The following RCBTB2 variants were observed in gnomAD, a reference collection of about 807,000 sequenced individuals.
RCBTB2 encodes RCC1 and BTB domain containing protein 2.
A neutral mutation model predicts 65.4 loss-of-function variants in RCBTB2; 55 were observed. The observed-to-expected ratio is 0.84, with a 90% CI of 0.68 to 1.05. RCBTB2 has a LOEUF of 1.05. RCBTB2 is among the 50% of genes least tolerant of loss of function. RCBTB2 has a pLI of 0.00. For synonymous variants in RCBTB2, 220 were observed against 255.2 expected (o/e 0.86, Z 1.31); for missense variants, 599 against 680.1 (o/e 0.88, Z 1.33).
intron 1 of RCBTB2, among the ~76,000 whole-genome samples, chr13:48,530,210 T>A (rs1952034596): frequency 6.6e-6 from 1 of 152,224 alleles, no homozygotes; most frequent in Non-Finnish European, 1.5e-5. Flanking sequence ...TGATTTGTAG[T>A]AATTTAAATC....
intron 14 of RCBTB2, among the ~76,000 whole-genome samples, chr13:48,493,313 A>ACCCTCTCT (rs1213235186): frequency 8.3e-5 from 5 of 60,054 alleles, no homozygotes; most frequent in East Asian, 5.9e-4. Context: ...ACACACACAC[A>ACCCTCTCT]CACTCTCTCT....
At chr13:48,491,975 T>C (rs1949718573) in intron 14 of RCBTB2, among the ~76,000 whole-genome samples, 1 of 152,194 alleles carries the variant, frequency 6.6e-6, no homozygotes, top group Admixed American at 6.5e-5. Flanking sequence ...TTGTAGTCTA[T>C]TTTGAATGCT....
At chr13:48,521,455 A>G (rs1362987276) in intron 4 of RCBTB2, among the ~76,000 whole-genome samples, 4 of 152,254 alleles carry the variant, frequency 2.6e-5, no homozygotes, top group Non-Finnish European at 5.9e-5. Flanking sequence ...CTGAGTAGAC[A>G]TAAGTTGGTT....
Position 48,527,307 on chromosome 13 carries a change from A to C in RCBTB2, c.-218-2550T>G, listed in dbSNP as rs191992451. On this transcript the variant is annotated intron_variant, in intron 1 of 14. Coordinates refer to ENST00000344532, the MANE Select transcript of RCBTB2 (RefSeq NM_001268.4). ...TTCCCTTATATGTTTGTTTTGGGATATATGACTTGGCTCATATATATATAT... is the reference window on the plus strand; with the variant it reads ...TTCCCTTATATGTTTGTTTTGGGATCTATGACTTGGCTCATATATATATAT... Among the ~76,000 whole-genome samples, 450 of 93,110 alleles carry C rather than the reference A, an allele frequency of 4.8e-3. 5 individuals carry two copies. The highest frequency in any genetic ancestry group is 0.019 in the African/African-American group (424 of 22,574). 61.1% of individuals were successfully genotyped at this position (93,110 alleles called of 152,430 possible).
chr13:48,532,732 C>CGGT (rs1030500773), intron 1 of RCBTB2: 2 of 297,790 alleles, frequency 6.7e-6, no homozygotes, highest in African/African-American at 4.7e-5. Context: ...AGCAGCGCAC[C>CGGT]GGGCCCACGC....
chr13:48,532,024 A>G (rs1245598049), intron 1 of RCBTB2: 1 of 152,230 alleles, frequency 6.6e-6, no homozygotes, highest in Admixed American at 6.5e-5. Flanking sequence ...TTGTGAACTC[A>G]ACCACTTTTA....
At position 48,499,664 on chromosome 13, in the gene RCBTB2, G is replaced by A. The variant is rs1950144492; in HGVS notation, c.1341C>T (p.Tyr447=). 6.2e-7 allele frequency: 1 copy of A among 1,614,036 alleles called. No individual in the cohort carries two copies. The highest frequency in any genetic ancestry group is 8.5e-7 in the Non-Finnish European group (1 of 1,180,026). ...AAAGGCTGATGCTGTCTGTGTATAG[G>A]TATTCCAGGAAGGCCCGGTAAACAG... ...SYPVYRAFLE[Y]LYTDSISLSP... is the part of the protein sequence containing the mutation. The change falls in exon 13 of 15, where the codon TAC becomes TAT. Residue 447 remains tyrosine (Y), a synonymous_variant. Transcript: ENST00000344532.
intron 6 of RCBTB2, 131 bp downstream of exon 6, chr13:48,515,074 C>T (rs1271980438): frequency 4.9e-6 from 4 of 814,474 alleles, no homozygotes; most frequent in Non-Finnish European, 7.9e-6. Flanking sequence ...CATTCAGATA[C>T]ATTCATGTTT....
Position 48,533,072 on chromosome 13 carries a change from G to A in RCBTB2, c.-263C>T. The A allele has an allele frequency of 2.2e-6, 1 of 454,368 alleles. No homozygotes were observed. Among genetic ancestry groups the A allele is most frequent in the South Asian group, 1.5e-5 (1 of 64,526 alleles). 28.1% of individuals were successfully genotyped at this position (454,368 alleles called of 1,614,324 possible). A position where few individuals can be genotyped will look rare whatever the true frequency, so the allele number is the denominator to read the frequency against. ...TTGTCCGCTCCGCCTCCTGGGTAGC[G>A]GTTACTGCACGGTCAGGGGCCCGGC... On this transcript the variant is annotated 5_prime_UTR_variant, in exon 1 of 15. Transcript: ENST00000344532.
chr13:48,520,612 G>A (rs1593769093), intron 4 of RCBTB2, among the ~76,000 whole-genome samples: 1 of 152,162 alleles, frequency 6.6e-6, no homozygotes, highest in South Asian at 2.1e-4. Context: ...TTAGCTCAAG[G>A]AAAACATAAT....
intron 10 of RCBTB2, among the ~76,000 whole-genome samples, chr13:48,506,747 A>G (rs148554011): frequency 2.0e-5 from 3 of 152,368 alleles, no homozygotes; most frequent in South Asian, 2.1e-4. Context: ...GGGCAGCCCA[A>G]TGAACAATGT....
At chr13:48,490,692 T>C (rs1448457142) in intron 14 of RCBTB2, among the ~76,000 whole-genome samples, 1 of 152,210 alleles carries the variant, frequency 6.6e-6, no homozygotes, top group African/African-American at 2.4e-5. Context: ...AGGTAAGCCA[T>C]AAAAAGCAGT....
At chr13:48,522,075 T>C in intron 3 of RCBTB2, 113 bp from the exon 4 acceptor site, 1 of 943,078 alleles carries the variant, frequency 1.1e-6, no homozygotes, top group Non-Finnish European at 1.6e-6. Context: ...TCAAATGTTG[T>C]GAAAGGAAGA....
In RCBTB2 at chr13:48,515,209, T is replaced by A. The variant is rs9331990; in HGVS notation, c.345A>T (p.Thr115=). 1.4e-4 allele frequency: 218 copies of A among 1,611,638 alleles called. No homozygotes were observed. In the African/African-American group the frequency reaches 2.7e-3, roughly 20 times the overall value. ...YGSGPHIVLA[T]TEGEVFTWGH... is the part of the protein sequence containing the mutation. ...TACATGGGGTTCCTAGGTTACCTGT[T>A]GTTGCAAGGACAATATGTGGACCAC... The change falls in exon 6 of 15, where the codon ACA becomes ACT. Residue 115 remains threonine (T), a synonymous_variant. Coordinates refer to ENST00000344532, the MANE Select transcript of RCBTB2 (RefSeq NM_001268.4).
intron 13 of RCBTB2, 30 bp from the exon 14 acceptor site, chr13:48,496,351 G>A: frequency 6.6e-7 from 1 of 1,505,482 alleles, no homozygotes; most frequent in Non-Finnish European, 8.9e-7. Context: ...ATTAGGGGGA[G>A]TGATTTCAAG....
chr13:48,505,187 G>T (rs1224225799), intron 10 of RCBTB2, among the ~76,000 whole-genome samples: 1 of 151,994 alleles, frequency 6.6e-6, no homozygotes. Context: ...TAGGAGCCTT[G>T]GTTTCATCAC....
In RCBTB2 at chr13:48,489,018, A is replaced by T. The variant is rs1270482676; in HGVS notation, c.*1093T>A. 1.3e-5 allele frequency: 2 copies of T among 152,230 alleles called. No homozygotes were observed. Among genetic ancestry groups the T allele is most frequent in the South Asian group, 2.1e-4 (1 of 4,836 alleles). 9.4% of individuals were successfully genotyped at this position (152,230 alleles called of 1,614,324 possible). A position where few individuals can be genotyped will look rare whatever the true frequency, so the allele number is the denominator to read the frequency against. Reference sequence around the variant, plus strand: ...CCAAATAGTTCAGCATCAGAACAAGAATTCTAATTCCAAAAGGGTTTCCTT... The same window carrying T: ...CCAAATAGTTCAGCATCAGAACAAGTATTCTAATTCCAAAAGGGTTTCCTT... On this transcript the variant is annotated 3_prime_UTR_variant, in exon 15 of 15. Transcript: ENST00000344532.
At chr13:48,508,104 ACCCAC>A (rs1950592234) in intron 10 of RCBTB2, among the ~76,000 whole-genome samples, 1 of 152,142 alleles carries the variant, frequency 6.6e-6, no homozygotes, top group South Asian at 2.1e-4. Context: ...AAGAACTGAA[ACCCAC>A]CCCACCCCAC....
chr13:48,502,756 G>A lies in RCBTB2; in HGVS notation c.1085C>T (p.Thr362Met), dbSNP rs769853603. The change falls in exon 11 of 15, where the codon ACG becomes ATG. Residue 362 changes from threonine (T) to methionine (M), a missense_variant. Coordinates refer to ENST00000344532, the MANE Select transcript of RCBTB2 (RefSeq NM_001268.4). ...CTDDVFACFATPAVTWRLLSV... is the reference protein window; with the variant it reads ...CTDDVFACFAMPAVTWRLLSV... ...GAGGAGGCGCCACGTGACGGCGGGC[G>A]TGGCAAAGCAGGCAAACACGTCGTC... The A allele has an allele frequency of 1.7e-5, 28 of 1,613,096 alleles. No homozygotes were observed. The highest frequency in any genetic ancestry group is 1.2e-4 in the African/African-American group (9 of 74,922).
Sources: allele counts gnomAD v4.1 joint callset (sites outside exome capture counted in the v4.1 genomes callset), GRCh38; gene constraint gnomAD v4.1.1; transcripts MANE v1.5; gene names NCBI Gene and HGNC (gene_info 2026-07-23, HGNC 2026-07-21).